FAT1: variants seen among roughly 807,000 people sequenced by gnomAD.
The protein encoded by FAT1 is FAT atypical cadherin 1, also known as protocadherin Fat 1.
Under a neutral mutation model 329.8 loss-of-function variants are expected in FAT1, and 171 were observed. The observed-to-expected ratio is 0.52, with a 90% CI of 0.46 to 0.59. FAT1 has a LOEUF of 0.59. Ranked by LOEUF, FAT1 falls within the 20% of genes least tolerant of loss-of-function variation. FAT1 has a pLI of 0.00. For synonymous variants in FAT1, 2,233 were observed against 2,228.6 expected (o/e 1.00, Z -0.06); for missense variants, 5,672 against 5,774.4 (o/e 0.98, Z 0.57).
intron 22 of FAT1, 90 bp from the exon 23 acceptor site, chr4:186,598,215 G>C (rs986439129): frequency 7.9e-7 from 1 of 1,264,196 alleles, no homozygotes. Context: ...TTTATTCTCC[G>C]AGGTCTGTAA....
chr4:186,683,299 C>T (rs899952778), intron 2 of FAT1, among the ~76,000 whole-genome samples: 1 of 152,054 alleles, frequency 6.6e-6, no homozygotes, highest in Non-Finnish European at 1.5e-5. Flanking sequence ...TGACTCGTGT[C>T]TCCTCTCTCC....
Position 186,619,294 on chromosome 4 carries a change from G to A in FAT1, c.7292C>T (p.Ser2431Phe), listed in dbSNP as rs759167890. 1.2e-6 allele frequency: 2 copies of A among 1,614,036 alleles called. No homozygotes were observed. Among genetic ancestry groups the A allele is most frequent in the Non-Finnish European group, 1.7e-6 (2 of 1,179,900 alleles). ...GACAAAATGTTTATGATCATTGCCAGACAGAATGGAATACTGCAACTTGTC... is the reference window on the plus strand; with the variant it reads ...GACAAAATGTTTATGATCATTGCCAAACAGAATGGAATACTGCAACTTGTC... ...DIDKLQYSIL[S>F]GNDHKHFVID... is the part of the protein sequence containing the mutation. Residue 2431 changes from serine (S) to phenylalanine (F), a missense_variant, in exon 10 of 27, where the codon TCT becomes TTT. This residue lies in a region of FAT1 where 3,966 missense variants were observed against 3,915.2 expected (regional missense o/e 1.01). Transcript: ENST00000441802.
intron 2 of FAT1, among the ~76,000 whole-genome samples, chr4:186,683,397 C>T (rs1239740810): frequency 6.6e-6 from 1 of 152,124 alleles, no homozygotes; most frequent in African/African-American, 2.4e-5. Flanking sequence ...CACCGTCTAC[C>T]TTGCAAACTG....
At chr4:186,627,305 C>T (rs113226832) in intron 9 of FAT1, among the ~76,000 whole-genome samples, 7 of 143,704 alleles carry the variant, frequency 4.9e-5, no homozygotes, top group South Asian at 4.6e-4. Flanking sequence ...CTTCATCAGC[C>T]GACAGAATGA....
chr4:186,608,591 C>T (rs941705363), intron 16 of FAT1, among the ~76,000 whole-genome samples: 3 of 152,072 alleles, frequency 2.0e-5, no homozygotes, highest in Admixed American at 6.5e-5. Context: ...GTTGACTTCA[C>T]GAATGCAGAA....
intron 16 of FAT1, 97 bp downstream of exon 16, chr4:186,609,086 T>A: frequency 1.4e-6 from 2 of 1,431,456 alleles, no homozygotes; most frequent in South Asian, 1.3e-5. Context: ...AGGCGGTCAG[T>A]CCTGCTCACA....
intron 3 of FAT1, among the ~76,000 whole-genome samples, chr4:186,660,687 T>C (rs1200705809): frequency 1.3e-5 from 2 of 152,136 alleles, no homozygotes; most frequent in Admixed American, 6.5e-5. Context: ...AGCACAGACA[T>C]CTCTGCAAAC....
At chr4:186,610,375 TTG>T (rs1739346509) in intron 14 of FAT1, among the ~76,000 whole-genome samples, 1 of 151,950 alleles carries the variant, frequency 6.6e-6, no homozygotes, top group African/African-American at 2.4e-5. Context: ...AAAAATTCTA[TTG>T]TGTCTTTCGG....
chr4:186,593,843 A>G (rs1306055083), intron 26 of FAT1, among the ~76,000 whole-genome samples: 1 of 152,114 alleles, frequency 6.6e-6, no homozygotes, highest in African/African-American at 2.4e-5. Flanking sequence ...ACAAGTCTAC[A>G]TTGTTTTAGG....
Position 186,707,933 on chromosome 4 carries a change from T to C in FAT1, c.1895A>G (p.Asp632Gly), listed in dbSNP as rs1442739803. Residue 632 changes from aspartate (D) to glycine (G), a missense_variant, in exon 2 of 27, where the codon GAT becomes GGT. Around this residue, in one of 2 missense-constraint regions of FAT1, gnomAD observed 3,966 missense variants for 3,915.2 expected, o/e 1.01. Coordinates refer to ENST00000441802, the MANE Select transcript of FAT1 (RefSeq NM_005245.4). ...GVLSLKRSLM[D>G]GLGAKVSFHS... ...GAAAGACACCTTTGCACCTAAGCCA[T>C]CCATTAGCGATCGCTTTAATGACAA... The C allele has an allele frequency of 3.7e-6, 6 of 1,613,992 alleles. No individual in the cohort carries two copies. In the South Asian group the frequency reaches 6.6e-5, roughly 18 times the overall value.
In FAT1 at chr4:186,620,881, T is replaced by C; in HGVS notation, c.5705A>G (p.Asn1902Ser). ...TGCACTTGAATCAGCATCTGTAGCATTTACTGTGATGACTTTTACTCCTTT... is the reference window on the plus strand; with the variant it reads ...TGCACTTGAATCAGCATCTGTAGCACTTACTGTGATGACTTTTACTCCTTT... ...TYKGVKVITV[N>S]ATDADSSAFS... is the part of the protein sequence containing the mutation. The change falls in exon 10 of 27, where the codon AAT becomes AGT. Residue 1902 changes from asparagine to serine, a missense_variant. By Grantham distance (46) the Asn-to-Ser change is conservative (BLOSUM62 1). Around this residue, in one of 2 missense-constraint regions of FAT1, gnomAD observed 3,966 missense variants for 3,915.2 expected, o/e 1.01. Transcript: ENST00000441802. 2.5e-6 allele frequency: 4 copies of C among 1,614,010 alleles called. No homozygotes were observed. Among genetic ancestry groups the C allele is most frequent in the African/African-American group, 1.3e-5 (1 of 75,046 alleles).
chr4:186,619,621 A>G lies in FAT1; in HGVS notation c.6965T>C (p.Met2322Thr), dbSNP rs1560941054. The G allele has an allele frequency of 1.2e-6, 2 of 1,613,976 alleles. No homozygotes were observed. Among genetic ancestry groups the G allele is most frequent in the Non-Finnish European group, 8.5e-7 (1 of 1,179,896 alleles). Reference protein sequence around the residue: ...SEPNRGISYQMFGNHSKSHDH... With the variant: ...SEPNRGISYQTFGNHSKSHDH... ...ATGACTCTTGCTGTGATTCCCAAAC[A>G]TCTGGTATGAGATTCCTCTATTTGG... is the stretch of plus-strand genomic sequence containing the variant. Residue 2322 changes from methionine (M) to threonine (T), a missense_variant, in exon 10 of 27, where the codon ATG (methionine) becomes ACG (threonine). Transcript: ENST00000441802.
chr4:186,675,593 C>T (rs367563703), intron 2 of FAT1, among the ~76,000 whole-genome samples: 4 of 151,998 alleles, frequency 2.6e-5, no homozygotes, highest in African/African-American at 9.7e-5. Flanking sequence ...ATGGCAAAAC[C>T]CTGTCTCTAC....
At chr4:186,668,078 G>A (rs192665958) in intron 2 of FAT1, among the ~76,000 whole-genome samples, 15 of 152,280 alleles carry the variant, frequency 9.9e-5, no homozygotes, top group African/African-American at 2.6e-4. Flanking sequence ...TGAGGATTCC[G>A]CTCAGAGTTT....
In FAT1 at chr4:186,603,901, G is replaced by A. The variant is rs760820218; in HGVS notation, c.10625C>T (p.Pro3542Leu). 2.9e-5 allele frequency: 46 copies of A among 1,613,798 alleles called. No individual in the cohort carries two copies. The highest frequency in any genetic ancestry group is 3.3e-5 in the Admixed American group (2 of 60,010). The change falls in exon 19 of 27, where the codon CCG (proline) becomes CTG (leucine). Residue 3542 changes from proline (P) to leucine (L), a missense_variant. This residue lies in a region of FAT1 where 1,706 missense variants were observed against 1,859.1 expected (regional missense o/e 0.92). Transcript: ENST00000441802. Reference sequence around the variant, plus strand: ...AATCTCCAGGGGCAAAATCGCAGGCGGATAGATGCTCTCCTCAATTACCCT... The same window carrying A: ...AATCTCCAGGGGCAAAATCGCAGGCAGATAGATGCTCTCCTCAATTACCCT... The part of the protein sequence containing the change: ...DIRVIEESIY[P>L]PAILPLEIFI...
rs767548161 is a variant in FAT1, at chr4:186,708,788, A to G, written c.1040T>C (p.Phe347Ser). Residue 347 changes from phenylalanine (F) to serine (S), a missense_variant, in exon 2 of 27, where the codon TTC becomes TCC. Transcript: ENST00000441802. ...CACGTGAATGACTTTAACAGAAGAG[A>G]ACTGGGGCGGAGTTCCTTTATCTTT... The part of the protein sequence containing the change: ...QAKDKGTPPQ[F>S]SSVKVIHVTS... The G allele has an allele frequency of 1.8e-5, 29 of 1,613,794 alleles. No homozygotes were observed. Among genetic ancestry groups the G allele is most frequent in the Non-Finnish European group, 2.4e-5 (28 of 1,179,880 alleles).
intron 3 of FAT1, among the ~76,000 whole-genome samples, chr4:186,641,557 C>T (rs977611457): frequency 1.3e-5 from 2 of 152,242 alleles, no homozygotes; most frequent in African/African-American, 2.4e-5. Flanking sequence ...CAGCTTGACA[C>T]GTTCCCAGGA....
At chr4:186,690,392 C>T (rs905934321) in intron 2 of FAT1, among the ~76,000 whole-genome samples, 3 of 152,074 alleles carry the variant, frequency 2.0e-5, no homozygotes, top group Admixed American at 6.5e-5. Flanking sequence ...ATTTCGTGTA[C>T]GTCATTCACA....
intron 20 of FAT1, 51 bp from the exon 21 acceptor site, chr4:186,601,477 T>G: frequency 6.5e-7 from 1 of 1,547,386 alleles, no homozygotes; most frequent in Non-Finnish European, 8.9e-7. Context: ...TTAAGCATAT[T>G]TTTTAAAGTA....
Sources: allele counts gnomAD v4.1 joint callset (sites outside exome capture counted in the v4.1 genomes callset), GRCh38; gene constraint gnomAD v4.1.1; regional missense constraint gnomAD v4.1.1; transcripts MANE v1.5; gene names NCBI Gene and HGNC (gene_info 2026-07-23, HGNC 2026-07-21).